The following SUGCT variants were observed in gnomAD, a reference collection of about 807,000 sequenced individuals.
SUGCT encodes succinyl-CoA:glutarate-CoA transferase, also known as succinyl-CoA:glutarate CoA-transferase.
In SUGCT, 41 loss-of-function variants were observed where a neutral mutation model predicts 55.0. The observed-to-expected ratio is 0.74, with a 90% CI of 0.58 to 0.97. The LOEUF (loss-of-function observed/expected upper bound fraction) is 0.97. Ranked by LOEUF, SUGCT falls within the 50% of genes least tolerant of loss-of-function variation. The pLI is 0.00. For synonymous variants in SUGCT, 187 were observed against 200.4 expected (o/e 0.93, Z 0.56); for missense variants, 568 against 547.8 (o/e 1.04, Z -0.37).
chr7:40,683,012 A>ATAT (rs1250421709), intron 12 of SUGCT, among the ~76,000 whole-genome samples: 53 of 152,270 alleles, frequency 3.5e-4, no homozygotes, highest in African/African-American at 1.3e-3. Context: ...GTAGTGAAAT[A>ATAT]GGATTCCTTT....
intron 9 of SUGCT, among the ~76,000 whole-genome samples, chr7:40,432,771 G>A (rs1389479474): frequency 6.6e-6 from 1 of 150,782 alleles, no homozygotes; most frequent in Non-Finnish European, 1.5e-5. Flanking sequence ...GTATTGCAGT[G>A]TAGATTTCTT....
At chr7:40,540,074 A>G (rs2151616010) in intron 12 of SUGCT, among the ~76,000 whole-genome samples, 1 of 152,352 alleles carries the variant, frequency 6.6e-6, no homozygotes, top group South Asian at 2.1e-4. Context: ...CCAAATGTTT[A>G]AAATGTTTTT....
chr7:40,541,585 C>G (rs1355200600), intron 12 of SUGCT, among the ~76,000 whole-genome samples: 2 of 152,044 alleles, frequency 1.3e-5, no homozygotes, highest in African/African-American at 2.4e-5. Context: ...ATGGTGCAAT[C>G]AAGAAAGGAG....
chr7:40,678,734 G>A (rs141639437), intron 12 of SUGCT, among the ~76,000 whole-genome samples: 46 of 152,238 alleles, frequency 3.0e-4, no homozygotes, highest in African/African-American at 1.1e-3. Context: ...GTAACATTTT[G>A]AATACAGTTT....
At chr7:40,830,879 T>A (rs1792628028) in intron 13 of SUGCT, among the ~76,000 whole-genome samples, 1 of 152,154 alleles carries the variant, frequency 6.6e-6, no homozygotes, top group African/African-American at 2.4e-5. Context: ...TACTCTAATC[T>A]TTCCCCTGTA....
At chr7:40,608,152 G>C (rs577529923) in intron 12 of SUGCT, among the ~76,000 whole-genome samples, 12 of 152,196 alleles carry the variant, frequency 7.9e-5, no homozygotes, top group African/African-American at 2.9e-4. Context: ...GTAGTATCTC[G>C]TTTCTTCCAC....
intron 6 of SUGCT, among the ~76,000 whole-genome samples, chr7:40,219,729 TAA>T (rs941030061): frequency 4.0e-5 from 6 of 151,574 alleles, no homozygotes; most frequent in Admixed American, 1.3e-4. Flanking sequence ...AAATACGAAT[TAA>T]AAAAAACTAA....
chr7:40,270,350 A>T (rs111247071), intron 7 of SUGCT, among the ~76,000 whole-genome samples: 3,317 of 152,198 alleles, frequency 0.022, 104 homozygotes, highest in African/African-American at 0.075. Context: ...ATCCAATATC[A>T]TAAAGATTTA....
At chr7:40,338,287 G>A (rs984013555) in intron 9 of SUGCT, among the ~76,000 whole-genome samples, 8 of 152,130 alleles carry the variant, frequency 5.3e-5, no homozygotes, top group Non-Finnish European at 7.4e-5. Flanking sequence ...GAATTTGAAT[G>A]TTGGCCTGCC....
intron 3 of SUGCT, among the ~76,000 whole-genome samples, chr7:40,186,882 G>A (rs1266516505): frequency 2.6e-5 from 4 of 152,186 alleles, no homozygotes; most frequent in African/African-American, 9.7e-5. Flanking sequence ...GAATGAATGA[G>A]TGTGTCAAAA....
chr7:40,253,778 C>T (rs923039006), intron 7 of SUGCT, among the ~76,000 whole-genome samples: 1 of 152,200 alleles, frequency 6.6e-6, no homozygotes. Flanking sequence ...GCCTCAGCCT[C>T]CAAAAGTGCT....
intron 8 of SUGCT, among the ~76,000 whole-genome samples, chr7:40,300,108 T>G (rs1200206189): frequency 6.6e-6 from 1 of 152,216 alleles, no homozygotes; most frequent in Non-Finnish European, 1.5e-5. Flanking sequence ...TAAGCTGTTT[T>G]GTGTGTATTC....
the SUGCT span, among the ~76,000 whole-genome samples, chr7:40,874,335 T>C: frequency 6.6e-6 from 1 of 152,228 alleles, no homozygotes; most frequent in Non-Finnish European, 1.5e-5. Context: ...TAATCTGCCT[T>C]TGAGACAGTA....
intron 12 of SUGCT, among the ~76,000 whole-genome samples, chr7:40,708,797 T>C (rs1351039073): frequency 4.6e-5 from 7 of 151,830 alleles, no homozygotes; most frequent in Admixed American, 2.6e-4. Context: ...CCACCCCCAG[T>C]TATCATGCTC....
intron 8 of SUGCT, among the ~76,000 whole-genome samples, chr7:40,281,696 C>T (rs1792959072): frequency 6.6e-6 from 1 of 152,096 alleles, no homozygotes; most frequent in South Asian, 2.1e-4. Context: ...AAATATAATA[C>T]AAAACTATTG....
At chr7:40,678,480 G>A (rs1784102934) in intron 12 of SUGCT, among the ~76,000 whole-genome samples, 1 of 152,020 alleles carries the variant, frequency 6.6e-6, no homozygotes, top group Non-Finnish European at 1.5e-5. Flanking sequence ...GAACTACCCA[G>A]CCACCAAAAG....
chr7:40,358,607 G>A (rs934125565), intron 9 of SUGCT, among the ~76,000 whole-genome samples: 21 of 151,964 alleles, frequency 1.4e-4, no homozygotes, highest in African/African-American at 4.8e-4. Context: ...CCAGCTACTC[G>A]GAAGGTTGAA....
intron 9 of SUGCT, among the ~76,000 whole-genome samples, chr7:40,365,167 G>A (rs1239203321): frequency 6.6e-6 from 1 of 152,144 alleles, no homozygotes; most frequent in East Asian, 1.9e-4. Context: ...AAAACCACAT[G>A]ATTATCTCAA....
intron 10 of SUGCT, among the ~76,000 whole-genome samples, chr7:40,456,714 A>G (rs1789509629): frequency 1.3e-5 from 2 of 152,086 alleles, no homozygotes; most frequent in South Asian, 4.2e-4. Flanking sequence ...CAAGGAAAGG[A>G]GGAGCTAGCC....
Sources: allele counts gnomAD v4.1 joint callset (sites outside exome capture counted in the v4.1 genomes callset), GRCh38; gene constraint gnomAD v4.1.1; transcripts MANE v1.5; gene names NCBI Gene and HGNC (gene_info 2026-07-23, HGNC 2026-07-21).